FCHSD2: variants seen among roughly 807,000 people sequenced by gnomAD.
FCHSD2 encodes the protein F-BAR and double SH3 domains protein 2.
A neutral mutation model predicts 108.1 loss-of-function variants in FCHSD2; 38 were observed. The observed-to-expected ratio is 0.35, with a 90% CI of 0.27 to 0.46. The LOEUF (loss-of-function observed/expected upper bound fraction) is 0.46. Ranked by LOEUF, FCHSD2 falls within the 20% of genes least tolerant of loss-of-function variation. The pLI, the probability that FCHSD2 is intolerant of heterozygous loss-of-function variation, is 1.00. For synonymous variants in FCHSD2, 279 were observed against 314.7 expected, an observed-to-expected ratio of 0.89 and a Z score of 1.20; for missense variants, 751 against 897.8, an observed-to-expected ratio of 0.84 and a Z score of 2.09.
intron 2 of FCHSD2, among the ~76,000 whole-genome samples, chr11:73,101,671 A>C (rs1369921616): frequency 6.6e-6 from 1 of 152,078 alleles, no homozygotes; most frequent in African/African-American, 2.4e-5. Context: ...TCCTGACTTC[A>C]AACGATCCTC....
intron 10 of FCHSD2, among the ~76,000 whole-genome samples, chr11:72,897,026 C>T (rs759447445): frequency 3.3e-5 from 5 of 151,908 alleles, no homozygotes; most frequent in East Asian, 1.9e-4. Flanking sequence ...CAGGGTTTCA[C>T]CATGTTAGCC....
At chr11:73,137,345 A>C (rs893564411) in intron 2 of FCHSD2, among the ~76,000 whole-genome samples, 2 of 152,198 alleles carry the variant, frequency 1.3e-5, no homozygotes, top group South Asian at 4.1e-4. Context: ...AAACCTGTTA[A>C]TCCTTGGAGC....
chr11:73,118,472 G>C (rs544182850), intron 2 of FCHSD2, among the ~76,000 whole-genome samples: 13 of 152,250 alleles, frequency 8.5e-5, no homozygotes, highest in African/African-American at 3.1e-4. Context: ...GCCTGTTTTA[G>C]AACTTTTCAG....
At chr11:72,984,040 T>G in intron 8 of FCHSD2, 48 bp downstream of exon 8, 1 of 1,522,422 alleles carries the variant, frequency 6.6e-7, no homozygotes, top group Non-Finnish European at 9.0e-7. Flanking sequence ...TTAAGTTGTT[T>G]TTGTTTTCAA....
intron 2 of FCHSD2, among the ~76,000 whole-genome samples, chr11:73,085,706 T>C (rs928247635): frequency 6.6e-6 from 1 of 151,864 alleles, no homozygotes; most frequent in Non-Finnish European, 1.5e-5. Flanking sequence ...ATTTAAAAAC[T>C]TTTTAACTAT....
At chr11:73,097,536 T>C (rs754161096) in intron 2 of FCHSD2, among the ~76,000 whole-genome samples, 3 of 151,514 alleles carry the variant, frequency 2.0e-5, no homozygotes, top group African/African-American at 4.8e-5. Context: ...TTTAGTAGGA[T>C]TGGTGTTAAT....
intron 3 of FCHSD2, among the ~76,000 whole-genome samples, chr11:73,058,186 T>C (rs945280696): frequency 3.9e-5 from 6 of 152,150 alleles, no homozygotes; most frequent in Non-Finnish European, 8.8e-5. Flanking sequence ...GCCAATTCTG[T>C]ATTCTTTAAA....
intron 3 of FCHSD2, among the ~76,000 whole-genome samples, chr11:73,023,767 T>A (rs989527961): frequency 6.6e-6 from 1 of 152,204 alleles, no homozygotes; most frequent in Non-Finnish European, 1.5e-5. Context: ...TGTCCTTCAG[T>A]AGGTGAATGG....
intron 8 of FCHSD2, among the ~76,000 whole-genome samples, chr11:72,950,516 T>G (rs190075895): frequency 6.6e-6 from 1 of 152,120 alleles, no homozygotes; most frequent in Non-Finnish European, 1.5e-5. Context: ...TGCTGTGAGG[T>G]AGAGGTCCAA....
intron 11 of FCHSD2, 29 bp from the exon 12 acceptor site, chr11:72,887,603 G>C: frequency 1.5e-6 from 2 of 1,374,872 alleles, no homozygotes; most frequent in Non-Finnish European, 2.0e-6. Context: ...CAATAATGAT[G>C]ACTGTTTTTT....
At chr11:73,057,378 AGAAAC>A (rs1359231730) in intron 3 of FCHSD2, among the ~76,000 whole-genome samples, 2 of 152,208 alleles carry the variant, frequency 1.3e-5, no homozygotes, top group Non-Finnish European at 2.9e-5. Context: ...CCTTCAGAAG[AGAAAC>A]TTAAAGCATT....
Position 72,989,100 on chromosome 11 carries a change from G to GTA in FCHSD2, c.388-5_388-4dup. On this transcript the variant is annotated splice_polypyrimidine_tract_variant and splice_region_variant and intron_variant, in intron 5 of 19. Coordinates refer to ENST00000409418, the MANE Select transcript of FCHSD2 (RefSeq NM_014824.3). ...ATCTTTGTCAACTGGTCCACACACT[G>GTA]TAAAATACAAAAGTACAATCATTAT... 6.3e-7 allele frequency: 1 copy of GTA among 1,599,926 alleles called. No individual in the cohort carries two copies. Among genetic ancestry groups the GTA allele is most frequent in the Non-Finnish European group, 8.5e-7 (1 of 1,172,976 alleles).
chr11:73,124,448 GA>G (rs1591573641), intron 2 of FCHSD2, among the ~76,000 whole-genome samples: 2 of 151,772 alleles, frequency 1.3e-5, no homozygotes, highest in South Asian at 2.1e-4. Flanking sequence ...GAATGGGGCA[GA>G]AAAAAAATAT....
intron 3 of FCHSD2, among the ~76,000 whole-genome samples, chr11:73,054,139 A>G (rs939278855): frequency 6.6e-6 from 1 of 151,866 alleles, no homozygotes; most frequent in Non-Finnish European, 1.5e-5. Context: ...GGCTGCTTAC[A>G]CTCTACAACA....
At chr11:72,969,938 T>C (rs930099858) in intron 8 of FCHSD2, among the ~76,000 whole-genome samples, 2 of 152,318 alleles carry the variant, frequency 1.3e-5, no homozygotes, top group East Asian at 3.9e-4. Flanking sequence ...GAAAAAGACT[T>C]GTCTGTGGCC....
intron 8 of FCHSD2, among the ~76,000 whole-genome samples, chr11:72,962,206 A>G (rs1446223664): frequency 1.3e-5 from 2 of 152,198 alleles, no homozygotes; most frequent in Non-Finnish European, 2.9e-5. Context: ...TTTTTATAAT[A>G]CTAAGACATT....
chr11:72,883,755 AC>A (rs921081071), intron 12 of FCHSD2, among the ~76,000 whole-genome samples: 40 of 152,030 alleles, frequency 2.6e-4, no homozygotes, highest in African/African-American at 9.2e-4. Context: ...ACATGGTGAA[AC>A]CCCATCTCTA....
At chr11:73,041,224 C>T (rs1365500837) in intron 3 of FCHSD2, among the ~76,000 whole-genome samples, 2 of 152,092 alleles carry the variant, frequency 1.3e-5, no homozygotes, top group Non-Finnish European at 2.9e-5. Flanking sequence ...ATACTGATTT[C>T]CTTTCTTTGG....
At position 72,992,963 on chromosome 11, in the gene FCHSD2, G is replaced by C. The variant is rs1422417922; in HGVS notation, c.388-3866C>G. On this transcript the variant is annotated intron_variant, in intron 5 of 19. Coordinates refer to ENST00000409418, the MANE Select transcript of FCHSD2 (RefSeq NM_014824.3). ...CAGCAAAAGGAACTACCATCAGAGT[G>C]AACAGGCAACCTACAGAATGGGAGA... is the stretch of plus-strand genomic sequence containing the variant. Among the ~76,000 whole-genome samples, 15 of 152,168 alleles carry C rather than the reference G, an allele frequency of 9.9e-5. 1 individual carries two copies. Among genetic ancestry groups the C allele is most frequent in the Admixed American group, 5.9e-4 (9 of 15,262 alleles).
Sources: allele counts gnomAD v4.1 joint callset (sites outside exome capture counted in the v4.1 genomes callset), GRCh38; gene constraint gnomAD v4.1.1; transcripts MANE v1.5; gene names NCBI Gene and HGNC (gene_info 2026-07-23, HGNC 2026-07-21).